COL22A1: variants seen among roughly 807,000 people sequenced by gnomAD.
COL22A1 encodes collagen type XXII alpha 1 chain, also known as collagen alpha-1(XXII) chain.
Under a neutral mutation model 248.9 loss-of-function variants are expected in COL22A1, and 221 were observed. That is an observed-to-expected ratio of 0.89 (90% CI 0.80 to 0.99). COL22A1 has a LOEUF of 0.99. Ranked by LOEUF, COL22A1 falls within the 50% of genes least tolerant of loss-of-function variation. The pLI, the probability that COL22A1 is intolerant of heterozygous loss-of-function variation, is 0.00. For synonymous variants in COL22A1, 891 were observed against 793.4 expected (o/e 1.12, Z -2.07); for missense variants, 2,240 against 2,179.0 (o/e 1.03, Z -0.56).
chr8:138,878,451 C>T, intron 2 of COL22A1, 135 bp from the exon 3 acceptor site: 1 of 719,482 alleles, frequency 1.4e-6, no homozygotes, highest in East Asian at 3.1e-5. Flanking sequence ...CCCAAGGGCC[C>T]TGGGCTGCCT....
intron 27 of COL22A1, among the ~76,000 whole-genome samples, chr8:138,720,216 C>G (rs961726453): frequency 2.6e-5 from 4 of 152,132 alleles, no homozygotes; most frequent in African/African-American, 9.7e-5. Context: ...GAAGCTGGCC[C>G]GAGAAGGCTG....
intron 30 of COL22A1, among the ~76,000 whole-genome samples, chr8:138,705,224 G>A (rs1178817444): frequency 1.3e-5 from 2 of 152,184 alleles, no homozygotes; most frequent in Admixed American, 6.5e-5. Flanking sequence ...TATTATCCAG[G>A]AGAACTTCCC....
In COL22A1 at chr8:138,613,929, A is replaced by C. The variant is rs377698563; in HGVS notation, c.3925-9T>G. 5 of 1,606,140 alleles carry C rather than the reference A, an allele frequency of 3.1e-6. No individual in the cohort carries two copies. Among genetic ancestry groups the C allele is most frequent in the Non-Finnish European group, 4.3e-6 (5 of 1,172,808 alleles). On this transcript the variant is annotated splice_polypyrimidine_tract_variant and intron_variant, in intron 55 of 64. Coordinates refer to ENST00000303045, the MANE Select transcript of COL22A1 (RefSeq NM_152888.3). ...GTGGGTCCAGTGTCACCCTGGAACA[A>C]AGACAGAGAGATGGTGTCATCATCA...
intron 63 of COL22A1, among the ~76,000 whole-genome samples, chr8:138,593,290 C>A (rs1280251498): frequency 6.6e-6 from 1 of 151,816 alleles, no homozygotes. Flanking sequence ...ACCTAGATGA[C>A]GGTTTGATAG....
chr8:138,633,251 G>T (rs1438772313), intron 49 of COL22A1, among the ~76,000 whole-genome samples: 1 of 152,194 alleles, frequency 6.6e-6, no homozygotes, highest in African/African-American at 2.4e-5. Flanking sequence ...TACAAAGCAC[G>T]ACACAAAATA....
chr8:138,633,515 G>A (rs1270753110), intron 49 of COL22A1, among the ~76,000 whole-genome samples: 3 of 152,228 alleles, frequency 2.0e-5, no homozygotes, highest in Non-Finnish European at 2.9e-5. Context: ...TGGAGATGAG[G>A]CTGTAATCCA....
chr8:138,857,372 A>C (rs191267703), intron 3 of COL22A1, among the ~76,000 whole-genome samples: 1 of 152,120 alleles, frequency 6.6e-6, no homozygotes. Flanking sequence ...GTGGCCCCTC[A>C]CATGACCACA....
At chr8:138,831,119 C>A (rs926740872) in intron 5 of COL22A1, among the ~76,000 whole-genome samples, 1 of 152,140 alleles carries the variant, frequency 6.6e-6, no homozygotes, top group Non-Finnish European at 1.5e-5. Context: ...CTGTGAGCCA[C>A]GGATGAAATG....
intron 21 of COL22A1, among the ~76,000 whole-genome samples, chr8:138,754,484 TAA>T (rs1832838619): frequency 6.6e-6 from 1 of 152,258 alleles, no homozygotes; most frequent in African/African-American, 2.4e-5. Context: ...TGTTCATTTA[TAA>T]GTCAGTTATT....
intron 16 of COL22A1, among the ~76,000 whole-genome samples, chr8:138,772,731 C>T (rs1244501664): frequency 2.6e-5 from 4 of 152,166 alleles, no homozygotes; most frequent in Admixed American, 1.3e-4. Context: ...TGTGGTGGCG[C>T]ATGCCTGTAG....
At chr8:138,707,005 A>T (rs1828520273) in intron 30 of COL22A1, among the ~76,000 whole-genome samples, 1 of 152,226 alleles carries the variant, frequency 6.6e-6, no homozygotes, top group Admixed American at 6.5e-5. Context: ...AATACTATAA[A>T]CACTTCTATG....
chr8:138,827,768 C>T (rs144110759), intron 5 of COL22A1, among the ~76,000 whole-genome samples: 6 of 151,832 alleles, frequency 4.0e-5, no homozygotes, highest in African/African-American at 1.4e-4. Flanking sequence ...CCTCGGAGCA[C>T]TCTCAGGCCA....
At chr8:138,894,646 T>C (rs1315893429) in intron 1 of COL22A1, among the ~76,000 whole-genome samples, 1 of 152,228 alleles carries the variant, frequency 6.6e-6, no homozygotes, top group African/African-American at 2.4e-5. Context: ...TGGAAAAGTA[T>C]AGAAGAATAG....
At chr8:138,646,123 C>T (rs9324492) in intron 47 of COL22A1, among the ~76,000 whole-genome samples, 3,529 of 152,244 alleles carry the variant, frequency 0.023, 135 homozygotes, top group African/African-American at 0.08. Context: ...AGGCTGTCCT[C>T]CCTGGCTTTG....
intron 6 of COL22A1, chr8:138,825,664 A>C (rs890280322): frequency 2.0e-5 from 3 of 152,230 alleles, no homozygotes; most frequent in Non-Finnish European, 2.9e-5. Flanking sequence ...CTCACTGTTT[A>C]AGAGTATCTT....
rs1404496041 is a variant in COL22A1, at chr8:138,795,283, TAC to T, written c.1596+1534_1596+1535del. Among the ~76,000 whole-genome samples, 5 of 152,308 alleles carry T rather than the reference TAC, an allele frequency of 3.3e-5. No homozygotes were observed. In the East Asian group the frequency reaches 9.6e-4, roughly 29 times the overall value. On this transcript the variant is annotated intron_variant, in intron 12 of 64. Coordinates refer to ENST00000303045, the MANE Select transcript of COL22A1 (RefSeq NM_152888.3). Reference sequence around the variant, plus strand: ...GACATGAACTACATCTGCCTGGTCGTACCACTTAAGTTATGCTGTGTGTTGTG... The same window carrying T: ...GACATGAACTACATCTGCCTGGTCGTCACTTAAGTTATGCTGTGTGTTGTG...
chr8:138,878,486 C>T (rs1823925366), intron 2 of COL22A1, among the ~76,000 whole-genome samples, 170 bp from the exon 3 acceptor site: 1 of 152,140 alleles, frequency 6.6e-6, no homozygotes, highest in African/African-American at 2.4e-5. Context: ...TCAGTTTCCA[C>T]ACCTTCACAT....
intron 7 of COL22A1, among the ~76,000 whole-genome samples, chr8:138,817,805 C>T (rs866966948): frequency 6.6e-6 from 1 of 152,176 alleles, no homozygotes; most frequent in Admixed American, 6.5e-5. Context: ...AAGCACTTCA[C>T]ATATGATACA....
intron 41 of COL22A1, among the ~76,000 whole-genome samples, chr8:138,668,871 G>A (rs1319327896): frequency 1.3e-5 from 2 of 152,218 alleles, no homozygotes; most frequent in Non-Finnish European, 2.9e-5. Flanking sequence ...GCCCGAGAGA[G>A]TTTGAGGAAC....
Sources: gnomAD v4.1 joint callset for allele counts (sites outside exome capture counted in the v4.1 genomes callset) on GRCh38, gnomAD v4.1.1 for gene constraint, MANE v1.5 for transcripts, NCBI Gene and HGNC (gene_info 2026-07-23, HGNC 2026-07-21) for gene names.